Variants in SUCO observed in about 807,000 individuals in gnomAD.
SUCO encodes the protein SUN domain-containing ossification factor.
SUCO carries 57 observed loss-of-function variants against 148.1 expected under a neutral mutation model. That is an observed-to-expected ratio of 0.38 (90% CI 0.31 to 0.48). The LOEUF (loss-of-function observed/expected upper bound fraction) is 0.48, where lower values mean the gene tolerates loss of function less well. SUCO is among the 20% of genes least tolerant of loss of function. The pLI, the probability that SUCO is intolerant of heterozygous loss-of-function variation, is 0.96. For missense variants in SUCO, 1,331 were observed against 1,468.2 expected, an observed-to-expected ratio of 0.91 and a Z score of 1.53; for synonymous variants, 470 against 502.7, an observed-to-expected ratio of 0.93 and a Z score of 0.87.
intron 3 of SUCO, chr1:172,555,451 C>T: frequency 1.0e-6 from 1 of 975,578 alleles, no homozygotes; most frequent in Admixed American, 6.1e-5. Context: ...GTTACTTGAA[C>T]ATATCTTATA....
chr1:172,532,414 C>T (rs1651649349), upstream of SUCO: 3 of 1,348,356 alleles, frequency 2.2e-6, no homozygotes, highest in East Asian at 2.4e-5. Flanking sequence ...ACCCGGCAAG[C>T]GGCGAAATTC....
chr1:172,577,140 A>G, intron 11 of SUCO: 1 of 316,732 alleles, frequency 3.2e-6, no homozygotes, highest in Non-Finnish European at 4.6e-6. Flanking sequence ...CATATATATC[A>G]ATATATAAAT....
chr1:172,575,450 A>G, intron 10 of SUCO, 68 bp from the exon 11 acceptor site: 1 of 1,137,232 alleles, frequency 8.8e-7, no homozygotes, highest in South Asian at 1.5e-5. Flanking sequence ...TATTTTGAAA[A>G]TATGATAGAA....
chr1:172,596,732 G>T (rs1263790309), intron 19 of SUCO, among the ~76,000 whole-genome samples: 1 of 152,234 alleles, frequency 6.6e-6, no homozygotes, highest in Non-Finnish European at 1.5e-5. Flanking sequence ...CTACACGGGG[G>T]TCAGGGACCC....
intron 1 of SUCO, chr1:172,541,872 G>A: frequency 1.0e-6 from 1 of 978,258 alleles, no homozygotes; most frequent in Non-Finnish European, 1.2e-6. Context: ...AGTTCAATGA[G>A]AAAAGAAATG....
intron 2 of SUCO, 123 bp from the exon 3 acceptor site, chr1:172,553,137 A>G (rs1203193049): frequency 1.9e-6 from 2 of 1,038,524 alleles, no homozygotes; most frequent in South Asian, 4.7e-5. Flanking sequence ...GAAATTAATT[A>G]GAGTCAAATA....
At chr1:172,568,238 T>C in intron 6 of SUCO, 2 of 896,130 alleles carry the variant, frequency 2.2e-6, no homozygotes, top group Non-Finnish European at 2.7e-6. Flanking sequence ...CAGGCTTTCA[T>C]TTGGATTCCA....
chr1:172,572,092 C>G (rs1323542471), intron 9 of SUCO, among the ~76,000 whole-genome samples: 10 of 120,128 alleles, frequency 8.3e-5, no homozygotes, highest in African/African-American at 2.9e-4. Flanking sequence ...GGTCAGCCCC[C>G]GCCTGGCAAG....
chr1:172,604,073 C>T (rs144614781), intron 22 of SUCO, among the ~76,000 whole-genome samples: 140 of 152,038 alleles, frequency 9.2e-4, no homozygotes, highest in Middle Eastern at 3.4e-3. Context: ...ATTTGCCCTT[C>T]TATCAGCTGC....
At chr1:172,568,899 A>T in intron 6 of SUCO, 120 bp from the exon 7 acceptor site, 1 of 971,106 alleles carries the variant, frequency 1.0e-6, no homozygotes, top group South Asian at 1.9e-5. Context: ...ATTTTTTCAA[A>T]ATATAATCAT....
At chr1:172,547,376 C>T (rs952741769) in intron 1 of SUCO, among the ~76,000 whole-genome samples, 1 of 152,158 alleles carries the variant, frequency 6.6e-6, no homozygotes, top group African/African-American at 2.4e-5. Flanking sequence ...TTTTTGTAGA[C>T]ATAGTTTTCA....
chr1:172,579,066 T>A, intron 14 of SUCO, 136 bp from the exon 15 acceptor site: 1 of 588,938 alleles, frequency 1.7e-6, no homozygotes. Context: ...TGAACATGTT[T>A]TAGATATATG....
chr1:172,577,572 C>G lies in SUCO; in HGVS notation c.1284+13C>G, dbSNP rs372624533. 6.2e-6 allele frequency: 10 copies of G among 1,610,282 alleles called. No homozygotes were observed. Among genetic ancestry groups the G allele is most frequent in the Non-Finnish European group, 8.5e-6 (10 of 1,178,198 alleles). ...CAAGTACATAAAGGTTAGCAACCTT[C>G]TCTTTTGCACTATTAAATAACAGGG... On this transcript the variant is annotated intron_variant, in intron 12 of 23. Transcript: ENST00000263688.
At chr1:172,595,901 C>G (rs1194207973) in intron 19 of SUCO, among the ~76,000 whole-genome samples, 1 of 152,214 alleles carries the variant, frequency 6.6e-6, no homozygotes, top group Non-Finnish European at 1.5e-5. Context: ...TTCCCCGTCA[C>G]TTTCAGGTAC....
At chr1:172,561,237 A>C (rs1654127517) in intron 6 of SUCO, among the ~76,000 whole-genome samples, 2 of 152,180 alleles carry the variant, frequency 1.3e-5, no homozygotes, top group East Asian at 3.8e-4. Context: ...AGGTATACAT[A>C]CCCAACTTCC....
chr1:172,532,950 T>G, upstream of SUCO: 2 of 1,365,980 alleles, frequency 1.5e-6, no homozygotes, highest in Non-Finnish European at 1.9e-6. Context: ...CTTCTCCGCC[T>G]GCGACGTCGA....
intron 15 of SUCO, among the ~76,000 whole-genome samples, chr1:172,580,668 G>A (rs1655812942): frequency 6.6e-6 from 1 of 152,226 alleles, no homozygotes; most frequent in East Asian, 1.9e-4. Context: ...AAGATCTCTA[G>A]CTTCTGGTAG....
chr1:172,540,190 A>C (rs1162575443), intron 1 of SUCO, among the ~76,000 whole-genome samples: 1 of 152,240 alleles, frequency 6.6e-6, no homozygotes, highest in Non-Finnish European at 1.5e-5. Flanking sequence ...ACAGAGCCAG[A>C]ACTAAGAAGG....
At chr1:172,599,938 T>G in intron 19 of SUCO, 126 bp from the exon 20 acceptor site, 5 of 647,374 alleles carry the variant, frequency 7.7e-6, no homozygotes, top group Non-Finnish European at 1.3e-5. Flanking sequence ...ACTTACTCAT[T>G]GAGATTCCTA....
Sources: gnomAD v4.1 joint callset for allele counts (sites outside exome capture counted in the v4.1 genomes callset) on GRCh38, gnomAD v4.1.1 for gene constraint, MANE v1.5 for transcripts, NCBI Gene and HGNC (gene_info 2026-07-23, HGNC 2026-07-21) for gene names.